Variants in PARVB observed in about 807,000 individuals in gnomAD.
PARVB encodes the protein beta-parvin.
In PARVB, 46 loss-of-function variants were observed where a neutral mutation model predicts 47.0. The ratio of observed to expected loss-of-function variants is 0.98; its 90% CI spans 0.77 to 1.25. The LOEUF (loss-of-function observed/expected upper bound fraction) is 1.25. PARVB is among the 50% of genes most tolerant of loss of function. The probability of loss-of-function intolerance (pLI) is 0.00; values close to 1 mark genes in which losing one functional copy is unlikely to be tolerated. For synonymous variants in PARVB, 196 were observed against 196.3 expected, an observed-to-expected ratio of 1.00 and a Z score of 0.01; for missense variants, 473 against 471.6, an observed-to-expected ratio of 1.00 and a Z score of -0.03.
chr22:44,009,731 A>G (rs1437684804), intron 2 of PARVB, among the ~76,000 whole-genome samples: 5 of 151,604 alleles, frequency 3.3e-5, no homozygotes, highest in African/African-American at 1.2e-4. Flanking sequence ...CTTTTATATA[A>G]TAAACATTAT....
chr22:44,102,143 C>G (rs955565249), intron 3 of PARVB, among the ~76,000 whole-genome samples: 1 of 152,186 alleles, frequency 6.6e-6, no homozygotes, highest in African/African-American at 2.4e-5. Context: ...CCCTGAGTAC[C>G]GGGAACAGGG....
In PARVB at chr22:44,168,582, TTC is replaced by T. The variant is rs748139279; in HGVS notation, c.1019-16_1019-15del. On this transcript the variant is annotated intron_variant, in intron 12 of 12. Transcript: ENST00000338758. Reference sequence around the variant, plus strand: ...CAGGAGGATGGCACGCCTCTGAAGTTTCTCTGTTTCCTTCTGCAGACGTGGTT... The same window carrying T: ...CAGGAGGATGGCACGCCTCTGAAGTTTCTGTTTCCTTCTGCAGACGTGGTT... The T allele has an allele frequency of 4.4e-6, 7 of 1,583,760 alleles. No homozygotes were observed. Among genetic ancestry groups the T allele is most frequent in the Admixed American group, 3.3e-5 (2 of 59,964 alleles).
intron 1 of PARVB, among the ~76,000 whole-genome samples, chr22:44,050,283 G>T (rs2146936500): frequency 6.6e-6 from 1 of 151,920 alleles, no homozygotes; most frequent in African/African-American, 2.4e-5. Context: ...AGGTATGTTT[G>T]TTGTCCTCTT....
intron 1 of PARVB, among the ~76,000 whole-genome samples, chr22:44,036,396 T>C (rs1239574858): frequency 6.6e-6 from 1 of 152,258 alleles, no homozygotes; most frequent in Non-Finnish European, 1.5e-5. Flanking sequence ...AGTAGATTTG[T>C]ATGTATTTTA....
intron 1 of PARVB, among the ~76,000 whole-genome samples, chr22:44,052,020 C>T (rs951727349): frequency 3.9e-5 from 6 of 152,164 alleles, no homozygotes; most frequent in African/African-American, 1.4e-4. Context: ...AGTGAGAGCA[C>T]GGCTCTGCCG....
intron 2 of PARVB, among the ~76,000 whole-genome samples, chr22:44,014,991 T>C (rs2050560782): frequency 6.6e-6 from 1 of 151,956 alleles, no homozygotes; most frequent in South Asian, 2.1e-4. Flanking sequence ...GCTGGGATTG[T>C]AGGTGCCCGC....
intron 3 of PARVB, among the ~76,000 whole-genome samples, chr22:44,116,889 A>T (rs1214889948): frequency 6.6e-6 from 1 of 151,892 alleles, no homozygotes; most frequent in Non-Finnish European, 1.5e-5. Context: ...CTATTTGAAG[A>T]ACCCCAGCGA....
At chr22:44,062,863 C>G (rs1308741055) in intron 1 of PARVB, among the ~76,000 whole-genome samples, 1 of 151,422 alleles carries the variant, frequency 6.6e-6, no homozygotes, top group Non-Finnish European at 1.5e-5. Context: ...CCCTGTAGTT[C>G]AGGGATTTTT....
At chr22:44,167,506 G>A (rs2054193944) in intron 12 of PARVB, among the ~76,000 whole-genome samples, 1 of 152,112 alleles carries the variant, frequency 6.6e-6, no homozygotes, top group East Asian at 1.9e-4. Context: ...CCATGGGAGT[G>A]GAGTCAGAGG....
At chr22:44,118,643 G>C (rs1282172674) in intron 3 of PARVB, among the ~76,000 whole-genome samples, 2 of 152,190 alleles carry the variant, frequency 1.3e-5, no homozygotes, top group Non-Finnish European at 2.9e-5. Context: ...AGGTGAACAC[G>C]AGATGCTCTG....
intron 4 of PARVB, among the ~76,000 whole-genome samples, chr22:44,126,509 G>A (rs2053189041): frequency 6.6e-6 from 1 of 152,156 alleles, no homozygotes; most frequent in South Asian, 2.1e-4. Context: ...GGAGCACGTG[G>A]ACCTTTGGCT....
chr22:44,070,675 G>A (rs534440124), intron 1 of PARVB, among the ~76,000 whole-genome samples: 2 of 152,276 alleles, frequency 1.3e-5, no homozygotes, highest in Admixed American at 6.5e-5. Context: ...ATTATATGAG[G>A]CTCTTCAGGG....
chr22:44,066,112 A>T (rs554087670), intron 1 of PARVB, among the ~76,000 whole-genome samples: 22 of 152,198 alleles, frequency 1.4e-4, no homozygotes, highest in Non-Finnish European at 2.9e-4. Context: ...GCAAACATCT[A>T]TTGAGCGCCT....
Position 44,131,565 on chromosome 22 carries a change from T to C in PARVB, c.455T>C (p.Val152Ala), listed in dbSNP as rs749478354. The change falls in exon 5 of 13, where the codon GTG becomes GCG. Residue 152 changes from valine to alanine, a missense_variant. Transcript: ENST00000338758. ...EIGQKQKLQT[V>A]LEAVHDLLRP... Reference sequence around the variant, plus strand: ...GGGCAGAAACAGAAGCTGCAGACGGTGCTGGAAGCAGTACATGACCTGCTG... The same window carrying C: ...GGGCAGAAACAGAAGCTGCAGACGGCGCTGGAAGCAGTACATGACCTGCTG... 3.1e-6 allele frequency: 5 copies of C among 1,614,142 alleles called. No individual in the cohort carries two copies. The highest frequency in any genetic ancestry group is 4.2e-6 in the Non-Finnish European group (5 of 1,180,012).
intron 1 of PARVB, among the ~76,000 whole-genome samples, chr22:44,057,084 T>C (rs1046788943): frequency 1.3e-5 from 2 of 151,080 alleles, no homozygotes; most frequent in Non-Finnish European, 2.9e-5. Context: ...TCTCTTTCTC[T>C]CTCTCTCTTT....
intron 1 of PARVB, among the ~76,000 whole-genome samples, chr22:44,059,919 C>G (rs1167682924): frequency 6.6e-6 from 1 of 152,114 alleles, no homozygotes; most frequent in African/African-American, 2.4e-5. Flanking sequence ...GTTTCTCTAC[C>G]ACGATGCTTT....
upstream of PARVB, among the ~76,000 whole-genome samples, chr22:44,023,928 G>A (rs2146875645): frequency 6.6e-6 from 1 of 152,382 alleles, no homozygotes; most frequent in African/African-American, 2.4e-5. Context: ...GCTCTTGGCA[G>A]AAGCTTAACA....
intron 1 of PARVB, among the ~76,000 whole-genome samples, chr22:44,093,320 C>G (rs1371730521): frequency 6.6e-6 from 1 of 152,198 alleles, no homozygotes; most frequent in Non-Finnish European, 1.5e-5. Flanking sequence ...GTTCAGCACT[C>G]CCTTGAGACA....
chr22:44,122,514 G>GAGAGAGAGAC (rs2053075950), intron 4 of PARVB, among the ~76,000 whole-genome samples: 1 of 90,514 alleles, frequency 1.1e-5, no homozygotes, highest in Non-Finnish European at 2.1e-5. Context: ...GAGAGAGAGA[G>GAGAGAGAGAC]AGAGACAGAG....
Sources: allele counts gnomAD v4.1 joint callset (sites outside exome capture counted in the v4.1 genomes callset), GRCh38; gene constraint gnomAD v4.1.1; transcripts MANE v1.5; gene names NCBI Gene and HGNC (gene_info 2026-07-23, HGNC 2026-07-21).